Variants in PAPPA2 observed in about 807,000 individuals in gnomAD.
PAPPA2 encodes pappalysin-2.
PAPPA2 carries 86 observed loss-of-function variants against 176.4 expected under a neutral mutation model. The ratio of observed to expected loss-of-function variants is 0.49; its 90% CI spans 0.41 to 0.58. PAPPA2 has a LOEUF of 0.58. PAPPA2 is among the 20% of genes least tolerant of loss of function. The probability of loss-of-function intolerance (pLI) is 0.00; values close to 1 mark genes in which losing one functional copy is unlikely to be tolerated. For synonymous variants in PAPPA2, 809 were observed against 852.2 expected (o/e 0.95, Z 0.88); for missense variants, 2,073 against 2,256.9 (o/e 0.92, Z 1.65).
intron 3 of PAPPA2, among the ~76,000 whole-genome samples, chr1:176,625,667 A>T (rs559124209): frequency 6.6e-6 from 1 of 152,318 alleles, no homozygotes; most frequent in South Asian, 2.1e-4. Flanking sequence ...CATCAAATTT[A>T]TTTCAAAAAT....
intron 15 of PAPPA2, among the ~76,000 whole-genome samples, chr1:176,767,215 G>A (rs1450005934): frequency 6.6e-6 from 1 of 152,224 alleles, no homozygotes; most frequent in African/African-American, 2.4e-5. Flanking sequence ...CTCGTGATAG[G>A]TGAAGAAGGG....
chr1:176,629,869 A>G (rs545520350), intron 3 of PAPPA2, among the ~76,000 whole-genome samples: 2 of 152,140 alleles, frequency 1.3e-5, no homozygotes, highest in Non-Finnish European at 2.9e-5. Context: ...TTCAAACCAG[A>G]CTAGGAAGAA....
intron 17 of PAPPA2, among the ~76,000 whole-genome samples, chr1:176,772,270 A>T (rs925161818): frequency 6.6e-6 from 1 of 152,230 alleles, no homozygotes. Flanking sequence ...AGAGAAAACC[A>T]AATCTGTTTC....
chr1:176,781,723 G>A (rs1202501689), intron 17 of PAPPA2, among the ~76,000 whole-genome samples: 1 of 152,052 alleles, frequency 6.6e-6, no homozygotes, highest in Admixed American at 6.6e-5. Flanking sequence ...AATATGCATA[G>A]GAATTATTTG....
At chr1:176,581,160 A>T (rs1208243392) in intron 2 of PAPPA2, among the ~76,000 whole-genome samples, 1 of 152,092 alleles carries the variant, frequency 6.6e-6, no homozygotes, top group African/African-American at 2.4e-5. Flanking sequence ...GTGGGAGTCT[A>T]ATTTCCTTGT....
At chr1:176,810,636 G>T (rs573737574) in intron 21 of PAPPA2, among the ~76,000 whole-genome samples, 3 of 152,162 alleles carry the variant, frequency 2.0e-5, no homozygotes, top group South Asian at 2.1e-4. Context: ...CAGCAGACCA[G>T]ACTGGGGACC....
chr1:176,605,239 G>C (rs1392847411), intron 3 of PAPPA2, among the ~76,000 whole-genome samples: 1 of 152,136 alleles, frequency 6.6e-6, no homozygotes, highest in Non-Finnish European at 1.5e-5. Context: ...CTCCAAAAAA[G>C]GAATACAAGA....
At chr1:176,823,005 T>C (rs1216516258) in intron 21 of PAPPA2, among the ~76,000 whole-genome samples, 2 of 152,246 alleles carry the variant, frequency 1.3e-5, no homozygotes, top group African/African-American at 4.8e-5. Flanking sequence ...AATAGGGCAT[T>C]ACTAAATTTT....
intron 12 of PAPPA2, among the ~76,000 whole-genome samples, chr1:176,712,318 C>G (rs995379233): frequency 3.3e-5 from 5 of 152,118 alleles, no homozygotes; most frequent in Non-Finnish European, 5.9e-5. Flanking sequence ...CACTGCCCCC[C>G]CTCCAAGGCT....
Position 176,702,641 on chromosome 1 carries a change from G to A in PAPPA2, c.3271G>A (p.Val1091Ile). 1 of 1,614,106 alleles carries A rather than the reference G, an allele frequency of 6.2e-7. No homozygotes were observed. The highest frequency in any genetic ancestry group is 8.5e-7 in the Non-Finnish European group (1 of 1,180,014). ...VTPGQMYQYQ[V>I]LAEAGGELGE... ...ACCTGGACAGATGTATCAGTACCAA[G>A]TTCTAGCTGAAGCTGGAGGAGAACT... The change falls in exon 9 of 23, where the codon GTT becomes ATT. Residue 1091 changes from valine to isoleucine, a missense_variant. Val to Ile is a conservative substitution (Grantham distance 29, BLOSUM62 3). Around this residue, in one of 4 missense-constraint regions of PAPPA2, gnomAD observed 846 missense variants for 857.9 expected, o/e 0.99. Transcript: ENST00000367662.
At chr1:176,613,561 C>A (rs1655047281) in intron 3 of PAPPA2, among the ~76,000 whole-genome samples, 2 of 152,190 alleles carry the variant, frequency 1.3e-5, no homozygotes, top group Admixed American at 1.3e-4. Context: ...CATTTCATTC[C>A]ATGCTTCCAC....
intron 14 of PAPPA2, among the ~76,000 whole-genome samples, chr1:176,765,454 C>G (rs1663917473): frequency 6.6e-6 from 1 of 152,200 alleles, no homozygotes; most frequent in African/African-American, 2.4e-5. Context: ...CATAGAAAGT[C>G]AACTAACTGT....
chr1:176,833,334 T>C (rs1667150004), intron 21 of PAPPA2, among the ~76,000 whole-genome samples: 1 of 152,208 alleles, frequency 6.6e-6, no homozygotes, highest in Non-Finnish European at 1.5e-5. Context: ...CTGCGGAGCA[T>C]CATAATGTGA....
intron 4 of PAPPA2, among the ~76,000 whole-genome samples, chr1:176,686,100 C>T (rs1050781422): frequency 6.6e-5 from 10 of 152,216 alleles, no homozygotes; most frequent in Admixed American, 3.9e-4. Context: ...GTGGGAAGAA[C>T]AGTGTGAGAC....
At chr1:176,490,633 C>A (rs1027708455) in intron 1 of PAPPA2, among the ~76,000 whole-genome samples, 3 of 152,130 alleles carry the variant, frequency 2.0e-5, no homozygotes, top group African/African-American at 7.2e-5. Context: ...ATGCAGACTC[C>A]ATTAGTTGAT....
At chr1:176,776,841 A>G (rs569319292) in intron 17 of PAPPA2, among the ~76,000 whole-genome samples, 17 of 150,362 alleles carry the variant, frequency 1.1e-4, no homozygotes, top group South Asian at 4.2e-4. Context: ...AGTAAAATAT[A>G]TTATTATATA....
At chr1:176,495,237 A>G (rs1281735053) in intron 1 of PAPPA2, among the ~76,000 whole-genome samples, 1 of 152,184 alleles carries the variant, frequency 6.6e-6, no homozygotes, top group Non-Finnish European at 1.5e-5. Flanking sequence ...TTACTCTTTT[A>G]TAAATCAGGA....
rs956390982 is a variant in PAPPA2, at chr1:176,633,961, G to A, written c.1992-37009G>A. On this transcript the variant is annotated intron_variant, in intron 3 of 22. Transcript: ENST00000367662. ...GGAAACAACAGGTGCTGGAGAGGAT[G>A]TGGAGAAATAGGAACACTTTTACAC... Among the ~76,000 whole-genome samples, 4 of 152,340 alleles carry A rather than the reference G, an allele frequency of 2.6e-5. No individual in the cohort carries two copies. In the East Asian group the frequency reaches 7.7e-4, roughly 29 times the overall value.
At chr1:176,799,556 T>C (rs1046442487) in intron 20 of PAPPA2, among the ~76,000 whole-genome samples, 2 of 152,198 alleles carry the variant, frequency 1.3e-5, no homozygotes, top group African/African-American at 4.8e-5. Flanking sequence ...CCTCCAGTCC[T>C]GGTGTGGGCA....
Sources: allele counts gnomAD v4.1 joint callset (sites outside exome capture counted in the v4.1 genomes callset), GRCh38; gene constraint gnomAD v4.1.1; regional missense constraint gnomAD v4.1.1; transcripts MANE v1.5; gene names NCBI Gene and HGNC (gene_info 2026-07-23, HGNC 2026-07-21).